The following MYADML2 variants were observed in gnomAD, a reference collection of about 807,000 sequenced individuals.
The protein encoded by MYADML2 is myeloid-associated differentiation marker-like protein 2.
Under a neutral mutation model 16.0 loss-of-function variants are expected in MYADML2, and 17 were observed. That is an observed-to-expected ratio of 1.06 (90% CI 0.73 to 1.60). The LOEUF is 1.60. MYADML2 is among the 40% of genes most tolerant of loss of function. MYADML2 has a pLI of 0.00. For synonymous variants in MYADML2, 210 were observed against 208.1 expected, an observed-to-expected ratio of 1.01 and a Z score of -0.08; for missense variants, 422 against 437.7, an observed-to-expected ratio of 0.96 and a Z score of 0.32.
In MYADML2 at chr17:81,941,205, G is replaced by A. The variant is rs1029756332; in HGVS notation, c.537C>T (p.Phe179=). 26 of 1,550,052 alleles carry A rather than the reference G, an allele frequency of 1.7e-5. No homozygotes were observed. Among genetic ancestry groups the A allele is most frequent in the East Asian group, 1.2e-4 (5 of 40,924 alleles). ...AGCGGCTGTCATGGACCAGCGCCCC[G>A]AAGATGATGCAGGCCACGAAGGCCT... is the stretch of plus-strand genomic sequence containing the variant. The part of the protein sequence containing the change: ...IVQAFVACII[F]GALVHDSRYG... The change falls in exon 3 of 3, where the codon TTC becomes TTT. Residue 179 remains phenylalanine, a synonymous_variant. Coordinates refer to ENST00000409745, the MANE Select transcript of MYADML2 (RefSeq NM_001145113.3).
In MYADML2 at chr17:81,941,774, C is replaced by G; in HGVS notation, c.-33G>C. 3.4e-6 allele frequency: 5 copies of G among 1,472,440 alleles called. No homozygotes were observed. Among genetic ancestry groups the G allele is most frequent in the Non-Finnish European group, 4.5e-6 (5 of 1,107,956 alleles). 91.2% of individuals were successfully genotyped at this position (1,472,440 alleles called of 1,614,324 possible). A position where few individuals can be genotyped will look rare whatever the true frequency, so the allele number is the denominator to read the frequency against. The stretch of plus-strand genomic sequence containing the variant: ...GCCACGTTTCCAGCTCACACAGTCC[C>G]CCAAGGCCCTGGGGTCCCTGCTGGG... On this transcript the variant is annotated 5_prime_UTR_variant, in exon 3 of 3. Coordinates refer to ENST00000409745, the MANE Select transcript of MYADML2 (RefSeq NM_001145113.3).
Position 81,941,067 on chromosome 17 carries a change from G to C in MYADML2, c.675C>G (p.Cys225Trp). Residue 225 changes from cysteine to tryptophan, a missense_variant, in exon 3 of 3, where the codon TGC (cysteine) becomes TGG (tryptophan). Cys to Trp is a radical substitution (Grantham distance 215). Transcript: ENST00000409745. ...ACACCACCACCAGCCGGTCAAAGGG[G>C]CAGCCCAGGCCCCCTGTGTGGCCCA... ...SVMGHTGGLG[C>W]PFDRLVVVYT... is the part of the protein sequence containing the mutation. The C allele has an allele frequency of 2.6e-6, 4 of 1,550,410 alleles. No homozygotes were observed. The South Asian group carries it at 4.8e-5, about 18-fold the overall frequency.
rs187029546 is a variant in MYADML2 at position 81,940,979 on chromosome 17, C to G, written c.763G>C (p.Asp255His). The change falls in exon 3 of 3, where the codon GAT becomes CAT. Residue 255 changes from aspartate to histidine, a missense_variant. By Grantham distance (81) the Asp-to-His change is moderately conservative. Coordinates refer to ENST00000409745, the MANE Select transcript of MYADML2 (RefSeq NM_001145113.3). ...AAVIWPVFCF[D>H]PKYGEPKRPP... ...CGTTTGGGCTCACCGTACTTGGGAT[C>G]GAAACAGAAGACTGGCCAGATCACG... 6.4e-7 allele frequency: 1 copy of G among 1,550,638 alleles called. No homozygotes were observed.
Position 81,941,075 on chromosome 17 carries a change from G to T in MYADML2, c.667C>A (p.Leu223Met). 6.5e-7 allele frequency: 1 copy of T among 1,550,382 alleles called. No homozygotes were observed. The highest frequency in any genetic ancestry group is 1.7e-4 in the Middle Eastern group (1 of 5,992). Residue 223 changes from leucine to methionine, a missense_variant, in exon 3 of 3, where the codon CTG (leucine) becomes ATG (methionine). Coordinates refer to ENST00000409745, the MANE Select transcript of MYADML2 (RefSeq NM_001145113.3). Reference protein sequence around the residue: ...ALSVMGHTGGLGCPFDRLVVV... With the variant: ...ALSVMGHTGGMGCPFDRLVVV... ...ACCAGCCGGTCAAAGGGGCAGCCCA[G>T]GCCCCCTGTGTGGCCCATCACACTC...
In MYADML2 at chr17:81,943,628, C is replaced by A. The variant is rs1366185791; in HGVS notation, c.-180-1255G>T. ...CCATGTTAGCCAGGATGGTCTCGAT[C>A]TCCTGACCTCGTGATCCGCCCGCCT... On this transcript the variant is annotated intron_variant, in intron 1 of 2. Coordinates refer to ENST00000409745, the MANE Select transcript of MYADML2 (RefSeq NM_001145113.3). 2.0e-3 allele frequency among the ~76,000 whole-genome samples: 264 copies of A among 135,248 alleles called. No homozygotes were observed. The Middle Eastern group carries it at 0.037, about 19-fold the overall frequency. The allele number at this position is 135,248 out of a possible 152,430, so 88.7% of individuals were successfully genotyped here. A position where few individuals can be genotyped will look rare whatever the true frequency, so the allele number is the denominator to read the frequency against.
At position 81,944,281 on chromosome 17, in the gene MYADML2, G is replaced by A. The variant is rs370088235; in HGVS notation, c.-180-1908C>T. Reference sequence around the variant, plus strand: ...CAAAATTAGCTGGGCATGGTGGCACGCACCTGTAGGGCAGCTCCCAGCTCC... The same window carrying A: ...CAAAATTAGCTGGGCATGGTGGCACACACCTGTAGGGCAGCTCCCAGCTCC... On this transcript the variant is annotated intron_variant, in intron 1 of 2. Coordinates refer to ENST00000409745, the MANE Select transcript of MYADML2 (RefSeq NM_001145113.3). Among the ~76,000 whole-genome samples, 283 of 151,956 alleles carry A rather than the reference G, an allele frequency of 1.9e-3. 3 individuals carry two copies. The highest frequency in any genetic ancestry group is 6.6e-3 in the African/African-American group (272 of 41,438).
At chr17:81,946,386 T>C (rs111303125) in intron 1 of MYADML2, among the ~76,000 whole-genome samples, 47,298 of 148,486 alleles carry the variant, frequency 0.32, 7,902 homozygotes, top group Non-Finnish European at 0.36. Flanking sequence ...CGGTGGCTCA[T>C]GCCTGTAATC....
intron 1 of MYADML2, among the ~76,000 whole-genome samples, chr17:81,944,234 G>A (rs760726009): frequency 9.2e-5 from 14 of 151,822 alleles, no homozygotes; most frequent in Middle Eastern, 6.8e-3. Flanking sequence ...GTGAAACCCC[G>A]TCTCTACTAA....
rs2041296952 is a variant in MYADML2, at chr17:81,940,908, C to T, written c.834G>A (p.Leu278=). The T allele has an allele frequency of 3.2e-6, 5 of 1,548,216 alleles. No individual in the cohort carries two copies. In the African/African-American group the frequency reaches 5.5e-5, roughly 17 times the overall value. The change falls in exon 3 of 3, where the codon CTG becomes CTA. Residue 278 remains leucine (L), a synonymous_variant. Transcript: ENST00000409745. ...TGACGTAGGTGAAGATGGCCACCAC[C>T]AGCTGGCTGTCCCAGGGACAGCTGC... ...ARGSCPWDSQ[L]VVAIFTYVNL...
In MYADML2 at chr17:81,940,968, G is replaced by A. The variant is rs748414196; in HGVS notation, c.774C>T (p.Tyr258=). The A allele has an allele frequency of 4.3e-5, 67 of 1,550,576 alleles. 1 individual carries two copies. Among genetic ancestry groups the A allele is most frequent in the South Asian group, 2.4e-4 (20 of 84,068 alleles). Residue 258 remains tyrosine (Y), a synonymous_variant, in exon 3 of 3, where the codon TAC becomes TAT. Transcript: ENST00000409745. ...AGTTGGGGGGCCGTTTGGGCTCACC[G>A]TACTTGGGATCGAAACAGAAGACTG... ...IWPVFCFDPK[Y]GEPKRPPNCA...
rs1166255053 is a variant in MYADML2, at chr17:81,940,727, C to G, written c.*91G>C. On this transcript the variant is annotated 3_prime_UTR_variant, in exon 3 of 3. Coordinates refer to ENST00000409745, the MANE Select transcript of MYADML2 (RefSeq NM_001145113.3). The stretch of plus-strand genomic sequence containing the variant: ...CTGAGCCCGCGGCTTCCCTCCTGCT[C>G]GCTACTTGACACTTTGGTTCACCTG... 7.3e-7 allele frequency: 1 copy of G among 1,372,702 alleles called. No homozygotes were observed. Among genetic ancestry groups the G allele is most frequent in the South Asian group, 1.5e-5 (1 of 66,148 alleles). The allele number at this position is 1,372,702 out of a possible 1,614,324, so 85.0% of individuals were successfully genotyped here. A position where few individuals can be genotyped will look rare whatever the true frequency, so the allele number is the denominator to read the frequency against.
rs2041308893 is a variant in MYADML2, at chr17:81,941,947, C to T, written c.-102-104G>A. The T allele has an allele frequency of 5.8e-6, 3 of 514,818 alleles. No individual in the cohort carries two copies. The East Asian group carries it at 9.1e-5, about 16-fold the overall frequency. The allele number at this position is 514,818 out of a possible 1,614,324, so 31.9% of individuals were successfully genotyped here. A position where few individuals can be genotyped will look rare whatever the true frequency, so the allele number is the denominator to read the frequency against. On this transcript the variant is annotated intron_variant, in intron 2 of 2. Coordinates refer to ENST00000409745, the MANE Select transcript of MYADML2 (RefSeq NM_001145113.3). ...TATAAATAGACAGCCGTGATCAGAG[C>T]CCCGGAATAGCAGCTTGCGTGCCTG...
chr17:81,946,162 C>T (rs2041342759), intron 1 of MYADML2, among the ~76,000 whole-genome samples: 1 of 151,624 alleles, frequency 6.6e-6, no homozygotes, highest in Non-Finnish European at 1.5e-5. Flanking sequence ...TGAGACCAGC[C>T]AGGCCAACAT....
In MYADML2 at chr17:81,941,635, G is replaced by A. The variant is rs1598362526; in HGVS notation, c.107C>T (p.Thr36Ile). Reference protein sequence around the residue: ...RVLQLAFGCTTFSLVAHRGGF... With the variant: ...RVLQLAFGCTIFSLVAHRGGF... ...ACCCCGGTGGGCCACCAGGCTGAAG[G>A]TAGTGCAGCCAAAGGCCAGCTGCAG... The change falls in exon 3 of 3, where the codon ACC becomes ATC. Residue 36 changes from threonine to isoleucine, a missense_variant. Transcript: ENST00000409745. 1 of 1,549,422 alleles carries A rather than the reference G, an allele frequency of 6.5e-7. No homozygotes were observed. Among genetic ancestry groups the A allele is most frequent in the African/African-American group, 1.4e-5 (1 of 73,170 alleles).
In MYADML2 at chr17:81,941,094, C is replaced by T; in HGVS notation, c.648G>A (p.Val216=). ...AGCCCAGGCCCCCTGTGTGGCCCAT[C>T]ACACTCAGGGCCACCACGGCCACTG... ...LATVAVVALS[V]MGHTGGLGCP... The change falls in exon 3 of 3, where the codon GTG becomes GTA. Residue 216 remains valine, a synonymous_variant. Transcript: ENST00000409745. 1 of 1,550,366 alleles carries T rather than the reference C, an allele frequency of 6.5e-7. No individual in the cohort carries two copies. The highest frequency in any genetic ancestry group is 8.7e-7 in the Non-Finnish European group (1 of 1,146,988).
rs1598362131 is a variant in MYADML2 at position 81,941,053 on chromosome 17, A to C, written c.689T>G (p.Leu230Arg). 6.4e-7 allele frequency: 1 copy of C among 1,550,456 alleles called. No individual in the cohort carries two copies. Among genetic ancestry groups the C allele is most frequent in the Non-Finnish European group, 8.7e-7 (1 of 1,146,988 alleles). The change falls in exon 3 of 3, where the codon CTG becomes CGG. Residue 230 changes from leucine (L) to arginine (R), a missense_variant. By Grantham distance (102) the Leu-to-Arg change is moderately radical. Coordinates refer to ENST00000409745, the MANE Select transcript of MYADML2 (RefSeq NM_001145113.3). Reference sequence around the variant, plus strand: ...AGCCAGGAAGGTGTACACCACCACCAGCCGGTCAAAGGGGCAGCCCAGGCC... The same window carrying C: ...AGCCAGGAAGGTGTACACCACCACCCGCCGGTCAAAGGGGCAGCCCAGGCC... ...TGGLGCPFDR[L>R]VVVYTFLAVL...
Position 81,941,076 on chromosome 17 carries a change from G to A in MYADML2, c.666C>T (p.Gly222=). 1 of 1,550,350 alleles carries A rather than the reference G, an allele frequency of 6.5e-7. No individual in the cohort carries two copies. The highest frequency in any genetic ancestry group is 8.7e-7 in the Non-Finnish European group (1 of 1,146,974). The part of the protein sequence containing the change: ...VALSVMGHTG[G]LGCPFDRLVV... ...CCAGCCGGTCAAAGGGGCAGCCCAG[G>A]CCCCCTGTGTGGCCCATCACACTCA... Residue 222 remains glycine (G), a synonymous_variant, in exon 3 of 3, where the codon GGC becomes GGT. Transcript: ENST00000409745.
At chr17:81,945,888 TA>T (rs897584320) in intron 1 of MYADML2, among the ~76,000 whole-genome samples, 15 of 151,612 alleles carry the variant, frequency 9.9e-5, no homozygotes, top group African/African-American at 3.4e-4. Context: ...CAATAAATAA[TA>T]AAATGAGGAA....
At position 81,944,061 on chromosome 17, in the gene MYADML2, G is replaced by A. The variant is rs149625594; in HGVS notation, c.-180-1688C>T. 4.0e-5 allele frequency among the ~76,000 whole-genome samples: 6 copies of A among 150,412 alleles called. No homozygotes were observed. The East Asian group carries it at 9.9e-4, about 25-fold the overall frequency. On this transcript the variant is annotated intron_variant, in intron 1 of 2. Coordinates refer to ENST00000409745, the MANE Select transcript of MYADML2 (RefSeq NM_001145113.3). Reference sequence around the variant, plus strand: ...CAGGAGGCAGAGGTTGCAGTGAGCCGAAATCACGCCATTGCACTCCAGCCT... The same window carrying A: ...CAGGAGGCAGAGGTTGCAGTGAGCCAAAATCACGCCATTGCACTCCAGCCT...
Sources: allele counts gnomAD v4.1 joint callset (sites outside exome capture counted in the v4.1 genomes callset), GRCh38; gene constraint gnomAD v4.1.1; transcripts MANE v1.5; gene names NCBI Gene and HGNC (gene_info 2026-07-23, HGNC 2026-07-21).